Variants in CADM2 observed in about 807,000 individuals in gnomAD.
CADM2 encodes cell adhesion molecule 2.
In CADM2, 12 loss-of-function variants were observed where a neutral mutation model predicts 49.8. The observed-to-expected ratio is 0.24, with a 90% CI of 0.15 to 0.39. The LOEUF is 0.39. Ranked by LOEUF, CADM2 falls within the 10% of genes least tolerant of loss-of-function variation. The pLI is 1.00. For missense variants in CADM2, 378 were observed against 492.3 expected (o/e 0.77, Z 2.20); for synonymous variants, 214 against 175.4 (o/e 1.22, Z -1.74).
At chr3:85,293,031 A>G (rs1002592716) in intron 1 of CADM2, among the ~76,000 whole-genome samples, 10 of 152,206 alleles carry the variant, frequency 6.6e-5, no homozygotes, top group Admixed American at 3.3e-4. Context: ...AACAAAATTG[A>G]TAGACCGCTA....
intron 1 of CADM2, among the ~76,000 whole-genome samples, chr3:85,398,903 C>A (rs933286607): frequency 6.6e-6 from 1 of 152,010 alleles, no homozygotes; most frequent in Non-Finnish European, 1.5e-5. Flanking sequence ...TGGATAGTAG[C>A]CCTTTGTCAG....
At chr3:85,212,812 C>CTCTCTCTTTCTT (rs2041810551) in intron 1 of CADM2, among the ~76,000 whole-genome samples, 3 of 102,542 alleles carry the variant, frequency 2.9e-5, no homozygotes, top group Non-Finnish European at 4.1e-5. Context: ...TCTTTTTCTT[C>CTCTCTCTTTCTT]TCTTTCTTTC....
chr3:85,182,505 A>G (rs1001127632), intron 1 of CADM2, among the ~76,000 whole-genome samples: 3 of 152,084 alleles, frequency 2.0e-5, no homozygotes, highest in African/African-American at 4.8e-5. Context: ...GGGACATTCT[A>G]CTATGTACCT....
intron 7 of CADM2, among the ~76,000 whole-genome samples, chr3:85,959,092 C>A (rs948819718): frequency 6.0e-5 from 9 of 149,814 alleles, no homozygotes; most frequent in Non-Finnish European, 1.2e-4. Context: ...ATATCTATAT[C>A]TTTATATCTG....
intron 1 of CADM2, among the ~76,000 whole-genome samples, chr3:85,199,198 C>G (rs2041421089): frequency 6.6e-6 from 1 of 151,850 alleles, no homozygotes; most frequent in Admixed American, 6.6e-5. Flanking sequence ...ATCATGTGAT[C>G]TACATGAGCA....
rs563587837 is a variant in CADM2 at position 85,342,412 on chromosome 3, A to G, written c.61+382744A>G. 6.8e-4 allele frequency among the ~76,000 whole-genome samples: 104 copies of G among 152,214 alleles called. 1 individual carries two copies. In the Middle Eastern group the frequency reaches 0.024, roughly 35 times the overall value. ...TTATATAAAATATTTTGATTACTTC[A>G]TTTGTTAAAATGATTTATACATAAT... On this transcript the variant is annotated intron_variant, in intron 1 of 9. Transcript: ENST00000383699.
At chr3:85,683,450 G>A (rs1414277283) in intron 1 of CADM2, among the ~76,000 whole-genome samples, 2 of 152,110 alleles carry the variant, frequency 1.3e-5, no homozygotes, top group African/African-American at 4.8e-5. Context: ...ACCCTTAGTG[G>A]AAATCTAATA....
chr3:85,829,638 T>C (rs1396468577), intron 3 of CADM2, among the ~76,000 whole-genome samples: 2 of 151,990 alleles, frequency 1.3e-5, no homozygotes, highest in South Asian at 2.1e-4. Context: ...ATCTTCTAGC[T>C]GAAAGTTTCT....
chr3:85,444,004 G>A (rs2037328252), intron 1 of CADM2, among the ~76,000 whole-genome samples: 1 of 152,026 alleles, frequency 6.6e-6, no homozygotes, highest in Non-Finnish European at 1.5e-5. Context: ...TACCATCTCA[G>A]TATTGCTGAT....
intron 1 of CADM2, among the ~76,000 whole-genome samples, chr3:85,196,118 A>C (rs1165194561): frequency 1.3e-5 from 2 of 152,034 alleles, no homozygotes; most frequent in Non-Finnish European, 2.9e-5. Flanking sequence ...TCAATTGTTG[A>C]ATATTCAGAT....
chr3:85,112,700 C>T (rs1031070744), intron 1 of CADM2, among the ~76,000 whole-genome samples: 1 of 151,640 alleles, frequency 6.6e-6, no homozygotes, highest in Admixed American at 6.6e-5. Flanking sequence ...GTGAATTCTT[C>T]TATAAAATAA....
intron 1 of CADM2, among the ~76,000 whole-genome samples, chr3:85,190,411 C>T (rs1227571783): frequency 6.6e-6 from 1 of 151,974 alleles, no homozygotes; most frequent in African/African-American, 2.4e-5. Context: ...TCTCATTCAT[C>T]TTAAATGAGA....
chr3:85,772,805 T>G (rs1418511306), intron 2 of CADM2, among the ~76,000 whole-genome samples: 1 of 151,920 alleles, frequency 6.6e-6, no homozygotes, highest in Admixed American at 6.6e-5. Flanking sequence ...TTTCTTTTTT[T>G]TTTTTCCCTC....
intron 8 of CADM2, among the ~76,000 whole-genome samples, chr3:86,002,289 G>C (rs1730281762): frequency 6.6e-6 from 1 of 152,128 alleles, no homozygotes; most frequent in Non-Finnish European, 1.5e-5. Context: ...CGGGATCGAT[G>C]TTGCTCTTTG....
At chr3:86,061,348 C>A (rs1289468643) in intron 8 of CADM2, among the ~76,000 whole-genome samples, 2 of 151,930 alleles carry the variant, frequency 1.3e-5, no homozygotes, top group Non-Finnish European at 2.9e-5. Flanking sequence ...ATTGGGCATA[C>A]AGATCACTCA....
intron 1 of CADM2, among the ~76,000 whole-genome samples, chr3:85,651,499 A>T (rs4461436): frequency 0.38 from 58,395 of 152,034 alleles, 12,319 homozygotes; most frequent in East Asian, 0.54. Flanking sequence ...AAGAAGCATG[A>T]TAGAAATAAT....
At chr3:85,584,975 C>T (rs192718458) in intron 1 of CADM2, among the ~76,000 whole-genome samples, 7 of 152,082 alleles carry the variant, frequency 4.6e-5, no homozygotes, top group Admixed American at 1.3e-4. Context: ...ACCCTTTAGC[C>T]GCGGTTTCAC....
At chr3:86,001,290 A>G (rs766015074) in intron 8 of CADM2, among the ~76,000 whole-genome samples, 2 of 152,154 alleles carry the variant, frequency 1.3e-5, no homozygotes, top group Admixed American at 6.6e-5. Flanking sequence ...AGTTGGATAT[A>G]CAGATCTGGA....
chr3:84,982,066 C>G (rs2032212119), intron 1 of CADM2, among the ~76,000 whole-genome samples: 1 of 152,130 alleles, frequency 6.6e-6, no homozygotes, highest in Non-Finnish European at 1.5e-5. Context: ...GTTCTTTGAG[C>G]TGACAAGCTA....
Sources: allele counts gnomAD v4.1 joint callset (sites outside exome capture counted in the v4.1 genomes callset), GRCh38; gene constraint gnomAD v4.1.1; transcripts MANE v1.5; gene names NCBI Gene and HGNC (gene_info 2026-07-23, HGNC 2026-07-21).